The following ACER1 variants were observed in gnomAD, a reference collection of about 807,000 sequenced individuals.
The protein encoded by ACER1 is alkaline ceramidase 1, also known as CTB-180A7.3.
A neutral mutation model predicts 24.9 loss-of-function variants in ACER1; 28 were observed. The observed-to-expected ratio is 1.13, with a 90% CI of 0.83 to 1.54. The LOEUF (loss-of-function observed/expected upper bound fraction) is 1.54, where lower values mean the gene tolerates loss of function less well. Ranked by LOEUF, ACER1 falls within the 40% of genes most tolerant of loss-of-function variation. ACER1 has a pLI of 0.00. For synonymous variants in ACER1, 132 were observed against 131.4 expected, an observed-to-expected ratio of 1.00 and a Z score of -0.03; for missense variants, 352 against 349.3, an observed-to-expected ratio of 1.01 and a Z score of -0.06.
At chr19:6,346,953 T>C in the ACER1 span, among the ~76,000 whole-genome samples, 1 of 151,324 alleles carries the variant, frequency 6.6e-6, no homozygotes, top group South Asian at 2.1e-4. Flanking sequence ...ATGGCTTGAA[T>C]TGTATTCTCT....
chr19:6,311,409 G>A (rs2091579298), intron 3 of ACER1, among the ~76,000 whole-genome samples: 1 of 152,014 alleles, frequency 6.6e-6, no homozygotes, highest in South Asian at 2.1e-4. Context: ...GGGTGTGGTG[G>A]CAGGTGCCTG....
At chr19:6,354,300 T>C in the ACER1 span, among the ~76,000 whole-genome samples, 1 of 150,872 alleles carries the variant, frequency 6.6e-6, no homozygotes, top group Non-Finnish European at 1.5e-5. Flanking sequence ...TACTTTTTAC[T>C]GTTAGGGGGG....
the ACER1 span, among the ~76,000 whole-genome samples, chr19:6,349,869 G>A: frequency 4.9e-4 from 75 of 152,218 alleles, no homozygotes; most frequent in African/African-American, 1.7e-3. Context: ...GGTGGTTGGC[G>A]CCTGTAATCC....
At chr19:6,356,162 G>A in the ACER1 span, among the ~76,000 whole-genome samples, 1 of 150,588 alleles carries the variant, frequency 6.6e-6, no homozygotes, top group African/African-American at 2.5e-5. Flanking sequence ...CTGTTGATCG[G>A]TGACCTTACC....
At chr19:6,347,380 GC>G in the ACER1 span, among the ~76,000 whole-genome samples, 4 of 138,234 alleles carry the variant, frequency 2.9e-5, no homozygotes, top group African/African-American at 1.2e-4. Flanking sequence ...ACCACACTCA[GC>G]TAATGTTTCT....
chr19:6,334,842 C>CTT (rs994952934), upstream of ACER1, among the ~76,000 whole-genome samples: 2 of 144,112 alleles, frequency 1.4e-5, no homozygotes, highest in South Asian at 4.3e-4. Context: ...AATGGGTTTT[C>CTT]TTTTTTTTTT....
At chr19:6,360,134 A>G in the ACER1 span, 1 of 152,060 alleles carries the variant, frequency 6.6e-6, no homozygotes, top group South Asian at 2.1e-4. Context: ...ACAAACTCCT[A>G]CTTATCCTGC....
At chr19:6,355,923 G>T in the ACER1 span, among the ~76,000 whole-genome samples, 3 of 151,910 alleles carry the variant, frequency 2.0e-5, no homozygotes, top group Middle Eastern at 0.01. Flanking sequence ...CACCCCTACT[G>T]GGAAGTGAGG....
chr19:6,341,372 T>C, the ACER1 span, among the ~76,000 whole-genome samples: 3 of 150,742 alleles, frequency 2.0e-5, no homozygotes, highest in African/African-American at 7.3e-5. Flanking sequence ...TACAAAACAT[T>C]AAAAAGTTAG....
intron 2 of ACER1, 36 bp from the exon 3 acceptor site, chr19:6,312,326 C>T (rs2091586020): frequency 1.2e-6 from 2 of 1,613,820 alleles, no homozygotes; most frequent in Non-Finnish European, 1.7e-6. Context: ...GTGGGGTCCG[C>T]CACCTCCTAA....
chr19:6,341,354 C>G, the ACER1 span, among the ~76,000 whole-genome samples: 3 of 150,064 alleles, frequency 2.0e-5, no homozygotes, highest in Non-Finnish European at 3.0e-5. Context: ...CATAGGGGAC[C>G]CTGTTTCTAC....
intron 1 of ACER1, among the ~76,000 whole-genome samples, chr19:6,321,454 TAA>T (rs2091630430): frequency 6.6e-6 from 1 of 152,058 alleles, no homozygotes; most frequent in South Asian, 2.1e-4. Flanking sequence ...ATACATTCTT[TAA>T]AAAAAGAGAG....
chr19:6,347,204 T>G, the ACER1 span, among the ~76,000 whole-genome samples: 1 of 143,694 alleles, frequency 7.0e-6, no homozygotes. Context: ...AATAGTCTCT[T>G]TTTCTTTTCT....
At chr19:6,316,855 A>G (rs2091605552) in intron 1 of ACER1, among the ~76,000 whole-genome samples, 1 of 151,252 alleles carries the variant, frequency 6.6e-6, no homozygotes, top group Non-Finnish European at 1.5e-5. Context: ...CTTCACCACC[A>G]CACAATACAT....
chr19:6,338,802 C>T, the ACER1 span, among the ~76,000 whole-genome samples: 2 of 151,964 alleles, frequency 1.3e-5, no homozygotes, highest in African/African-American at 2.4e-5. Context: ...CTCTAATTCC[C>T]GAGCTCAAGC....
chr19:6,353,192 C>T, the ACER1 span, among the ~76,000 whole-genome samples: 4 of 152,200 alleles, frequency 2.6e-5, no homozygotes, highest in Non-Finnish European at 5.9e-5. Flanking sequence ...ATTAGCTGGG[C>T]GTGGTGGCTT....
At chr19:6,316,021 G>A (rs8103421) in intron 1 of ACER1, among the ~76,000 whole-genome samples, 3,046 of 152,222 alleles carry the variant, frequency 0.02, 70 homozygotes, top group East Asian at 0.07. Flanking sequence ...CCAGCTACTC[G>A]GGAGGCTGAG....
chr19:6,352,789 AT>A, the ACER1 span, among the ~76,000 whole-genome samples: 4 of 152,352 alleles, frequency 2.6e-5, no homozygotes, highest in South Asian at 8.3e-4. Context: ...TGCATCCAGC[AT>A]TTCATCCACA....
In ACER1 at chr19:6,306,634, G is replaced by C; in HGVS notation, c.*80C>G. The C allele has an allele frequency of 6.7e-7, 1 of 1,500,388 alleles. No homozygotes were observed. The highest frequency in any genetic ancestry group is 1.4e-5 in the African/African-American group (1 of 72,328). The allele number at this position is 1,500,388 out of a possible 1,614,324, so 92.9% of individuals were successfully genotyped here. ...GGAAGGAACCACGAGTGTCCCGCAG[G>C]TGCAAGTCCTGACCGGGGCTATCTT... is the stretch of plus-strand genomic sequence containing the variant. On this transcript the variant is annotated 3_prime_UTR_variant, in exon 6 of 6. Coordinates refer to ENST00000301452, the MANE Select transcript of ACER1 (RefSeq NM_133492.3).
Sources: allele counts gnomAD v4.1 joint callset (sites outside exome capture counted in the v4.1 genomes callset), GRCh38; gene constraint gnomAD v4.1.1; transcripts MANE v1.5; gene names NCBI Gene and HGNC (gene_info 2026-07-23, HGNC 2026-07-21).